RASGRF1: variants seen among roughly 807,000 people sequenced by gnomAD.
The protein encoded by RASGRF1 is Ras protein specific guanine nucleotide releasing factor 1.
Under a neutral mutation model 138.7 loss-of-function variants are expected in RASGRF1, and 40 were observed. The observed-to-expected ratio is 0.29, with a 90% CI of 0.22 to 0.38. The LOEUF (loss-of-function observed/expected upper bound fraction) is 0.38, where lower values mean the gene tolerates loss of function less well. Ranked by LOEUF, RASGRF1 falls within the 10% of genes least tolerant of loss-of-function variation. RASGRF1 has a pLI of 1.00. For synonymous variants in RASGRF1, 614 were observed against 663.2 expected, an observed-to-expected ratio of 0.93 and a Z score of 1.14; for missense variants, 1,108 against 1,650.4, an observed-to-expected ratio of 0.67 and a Z score of 5.69.
rs534154958 is a variant in RASGRF1, at chr15:79,055,288, T to C, written c.531+3046A>G. ...TGGTGGCCACTCCTCAAGAATGAGC[T>C]CTGTTTCCATTCTCCTAGAGCCCAC... is the stretch of plus-strand genomic sequence containing the variant. On this transcript the variant is annotated intron_variant, in intron 3 of 26. Transcript: ENST00000558480. Among the ~76,000 whole-genome samples the C allele has an allele frequency of 2.8e-4, 42 of 152,188 alleles. No individual in the cohort carries two copies. In the South Asian group the frequency reaches 8.3e-3, roughly 30 times the overall value.
Position 79,004,076 on chromosome 15 carries a change from T to TGGCGGCGAGGAGAACTTGCG in RASGRF1, c.2155_2174dup (p.Pro726AlafsTer25), listed in dbSNP as rs1397165356. 2.5e-6 allele frequency: 4 copies of TGGCGGCGAGGAGAACTTGCG among 1,613,464 alleles called. No homozygotes were observed. Among genetic ancestry groups the TGGCGGCGAGGAGAACTTGCG allele is most frequent in the Admixed American group, 3.3e-5 (2 of 59,956 alleles). On this transcript the variant is annotated frameshift_variant, in exon 15 of 27. Coordinates refer to ENST00000558480, the MANE Select transcript of RASGRF1 (RefSeq NM_001145648.3). LOFTEE classifies it high-confidence loss of function. ...ACGATGTCTTGGTGATGGACAGAGG[T>TGGCGGCGAGGAGAACTTGCG]GGCGGCGAGGAGAACTTGCGGGTGG...
intron 1 of RASGRF1, among the ~76,000 whole-genome samples, chr15:79,076,357 A>G (rs1425221680): frequency 1.3e-5 from 2 of 152,086 alleles, no homozygotes; most frequent in African/African-American, 4.8e-5. Context: ...GCTGGTTATA[A>G]TCACCCAGAG....
chr15:78,991,830 G>A, intron 20 of RASGRF1, 36 bp from the exon 21 acceptor site: 1 of 1,540,624 alleles, frequency 6.5e-7, no homozygotes, highest in Non-Finnish European at 9.0e-7. Flanking sequence ...TTTTGAGTTA[G>A]GCCCATGACG....
chr15:79,011,754 G>A (rs2056798941), intron 13 of RASGRF1, among the ~76,000 whole-genome samples: 2 of 152,216 alleles, frequency 1.3e-5, no homozygotes, highest in Admixed American at 6.5e-5. Flanking sequence ...AAGAAACACT[G>A]TGTCAGCAGG....
At chr15:79,036,417 G>A (rs992971096) in intron 5 of RASGRF1, among the ~76,000 whole-genome samples, 22 of 152,182 alleles carry the variant, frequency 1.4e-4, no homozygotes, top group African/African-American at 5.1e-4. Context: ...TGTGCTCTGG[G>A]CTCCCTCCCG....
intron 24 of RASGRF1, among the ~76,000 whole-genome samples, chr15:78,979,714 G>A (rs908121423): frequency 6.6e-6 from 1 of 152,226 alleles, no homozygotes; most frequent in African/African-American, 2.4e-5. Context: ...GGAGCCCAGG[G>A]CAAACCTTGA....
At chr15:79,018,026 C>T (rs2140975634) in intron 11 of RASGRF1, 120 bp from the exon 12 acceptor site, 4 of 1,190,010 alleles carry the variant, frequency 3.4e-6, no homozygotes, top group South Asian at 2.9e-5. Context: ...AGGCACCAGG[C>T]CAATTGCTGC....
intron 1 of RASGRF1, among the ~76,000 whole-genome samples, chr15:79,072,265 A>ATTTTTTTT: frequency 2.1e-5 from 1 of 46,660 alleles, no homozygotes; most frequent in Non-Finnish European, 4.8e-5. Flanking sequence ...TTGATAAACA[A>ATTTTTTTT]TCTTTTTTTT....
At position 79,041,880 on chromosome 15, in the gene RASGRF1, C is replaced by G. The variant is rs182945726; in HGVS notation, c.878+4866G>C. On this transcript the variant is annotated intron_variant, in intron 5 of 26. Coordinates refer to ENST00000558480, the MANE Select transcript of RASGRF1 (RefSeq NM_001145648.3). ...CAGGATGAATTGATTGTGGCATGCT[C>G]CCCTGCTGAACCTCATCATTCCCTC... 8.5e-5 allele frequency among the ~76,000 whole-genome samples: 13 copies of G among 152,290 alleles called. No homozygotes were observed. The South Asian group carries it at 1.2e-3, about 15-fold the overall frequency.
At chr15:79,068,172 G>A (rs2057704665) in intron 1 of RASGRF1, among the ~76,000 whole-genome samples, 1 of 152,184 alleles carries the variant, frequency 6.6e-6, no homozygotes, top group Admixed American at 6.5e-5. Flanking sequence ...CTGAGGCTTG[G>A]AGGTGGGTGT....
At chr15:78,987,053 T>C (rs2056174275) in intron 22 of RASGRF1, among the ~76,000 whole-genome samples, 1 of 152,250 alleles carries the variant, frequency 6.6e-6, no homozygotes, top group Admixed American at 6.5e-5. Flanking sequence ...GTTTATTCTA[T>C]GAAGCCAGTA....
intron 19 of RASGRF1, among the ~76,000 whole-genome samples, chr15:78,996,327 G>A (rs1206223996): frequency 6.6e-6 from 1 of 152,216 alleles, no homozygotes; most frequent in East Asian, 1.9e-4. Context: ...AGGCCAAAGT[G>A]CCGCACGCTC....
intron 24 of RASGRF1, among the ~76,000 whole-genome samples, chr15:78,974,598 T>C (rs2055837295): frequency 6.6e-6 from 1 of 152,194 alleles, no homozygotes; most frequent in South Asian, 2.1e-4. Flanking sequence ...TAACATGAAT[T>C]CACGTGGTAA....
chr15:79,044,732 C>A (rs2057336673), intron 5 of RASGRF1, among the ~76,000 whole-genome samples: 1 of 152,190 alleles, frequency 6.6e-6, no homozygotes, highest in Non-Finnish European at 1.5e-5. Flanking sequence ...TTGAAAATAT[C>A]AGCTTCATGA....
Position 79,011,266 on chromosome 15 carries a change from C to A in RASGRF1, c.1826+4061G>T, listed in dbSNP as rs112958338. 3.8e-3 allele frequency among the ~76,000 whole-genome samples: 576 copies of A among 152,070 alleles called. 4 individuals are homozygous for A. The highest frequency in any genetic ancestry group is 0.013 in the African/African-American group (530 of 41,472). On this transcript the variant is annotated intron_variant, in intron 13 of 26. Coordinates refer to ENST00000558480, the MANE Select transcript of RASGRF1 (RefSeq NM_001145648.3). ...CCATCTTTCACTATGTCATGTGGATCGCTGTATTATTTAAGAAAGTCAAAT... is the reference window on the plus strand; with the variant it reads ...CCATCTTTCACTATGTCATGTGGATAGCTGTATTATTTAAGAAAGTCAAAT...
chr15:78,991,591 T>A (rs1392935774), intron 21 of RASGRF1, 100 bp downstream of exon 21: 1 of 910,994 alleles, frequency 1.1e-6, no homozygotes, highest in Non-Finnish European at 1.8e-6. Flanking sequence ...CTGTGGAGGG[T>A]CCGTGCAGCT....
intron 26 of RASGRF1, among the ~76,000 whole-genome samples, chr15:78,964,634 G>C (rs1179680804): frequency 6.6e-6 from 1 of 152,238 alleles, no homozygotes; most frequent in Non-Finnish European, 1.5e-5. Context: ...TGGCAACTCT[G>C]TGGTTCTCAG....
At chr15:79,002,859 G>C (rs1047257114) in intron 15 of RASGRF1, among the ~76,000 whole-genome samples, 2 of 152,206 alleles carry the variant, frequency 1.3e-5, no homozygotes, top group African/African-American at 4.8e-5. Context: ...CAGCTCAGAG[G>C]AGAGAAATCC....
At chr15:79,086,118 C>T (rs866804143) in intron 1 of RASGRF1, among the ~76,000 whole-genome samples, 8 of 152,238 alleles carry the variant, frequency 5.3e-5, no homozygotes, top group South Asian at 2.1e-4. Context: ...TGGTCTGGAA[C>T]GGGTTGGGTA....
Sources: gnomAD v4.1 joint callset for allele counts (sites outside exome capture counted in the v4.1 genomes callset) on GRCh38, gnomAD v4.1.1 for gene constraint, MANE v1.5 for transcripts, NCBI Gene and HGNC (gene_info 2026-07-23, HGNC 2026-07-21) for gene names.